Variants in CDH13 observed in about 807,000 individuals in gnomAD.
CDH13 encodes the protein cadherin-13.
CDH13 carries 24 observed loss-of-function variants against 63.8 expected under a neutral mutation model. The observed-to-expected ratio is 0.38, with a 90% CI of 0.27 to 0.53. The LOEUF (loss-of-function observed/expected upper bound fraction) is 0.53. Among genes scored for constraint, CDH13 ranks in the 20% least tolerant of loss-of-function variants. The probability of loss-of-function intolerance (pLI) is 0.85; values close to 1 mark genes in which losing one functional copy is unlikely to be tolerated. For missense variants in CDH13, 1,049 were observed against 903.1 expected, an observed-to-expected ratio of 1.16 and a Z score of -2.07; for synonymous variants, 503 against 355.3, an observed-to-expected ratio of 1.42 and a Z score of -4.67.
intron 1 of CDH13, among the ~76,000 whole-genome samples, chr16:82,714,680 C>G (rs936776868): frequency 3.8e-5 from 5 of 131,658 alleles, no homozygotes; most frequent in Admixed American, 2.6e-4. Flanking sequence ...ATCCACTGCA[C>G]TCCAGCCTAG....
chr16:83,645,491 A>T (rs1045408298), intron 8 of CDH13, among the ~76,000 whole-genome samples: 1 of 152,136 alleles, frequency 6.6e-6, no homozygotes, highest in Non-Finnish European at 1.5e-5. Context: ...TAGAAGCCCA[A>T]TCTTCACCAA....
In CDH13 at chr16:82,639,442, C is replaced by A. The variant is rs4782724; in HGVS notation, c.45+12305C>A. On this transcript the variant is annotated intron_variant, in intron 1 of 13. Coordinates refer to ENST00000567109, the MANE Select transcript of CDH13 (RefSeq NM_001257.5). ...TGGCCCACAGATGCCTGGGCGTGAC[C>A]CACCTGCAGCTTCAACCATGCAGGT... 3 of 1,535,214 alleles carry A rather than the reference C, an allele frequency of 2.0e-6. No homozygotes were observed. In the African/African-American group the frequency reaches 4.1e-5, roughly 21 times the overall value.
intron 1 of CDH13, among the ~76,000 whole-genome samples, chr16:82,653,337 A>G (rs982009327): frequency 6.6e-6 from 1 of 152,214 alleles, no homozygotes; most frequent in African/African-American, 2.4e-5. Flanking sequence ...ATTTTACACA[A>G]AAAAATAAAT....
chr16:82,627,891 C>CT (rs1907536460), intron 1 of CDH13, among the ~76,000 whole-genome samples: 1 of 152,246 alleles, frequency 6.6e-6, no homozygotes. Context: ...GCCGCCTCTG[C>CT]TGCCTTCCCT....
At chr16:83,499,771 CAT>C (rs1177690270) in intron 7 of CDH13, among the ~76,000 whole-genome samples, 2 of 151,216 alleles carry the variant, frequency 1.3e-5, no homozygotes, top group African/African-American at 4.9e-5. Flanking sequence ...GCAGTGGCCA[CAT>C]GTTATTTTTG....
At chr16:82,682,661 G>C (rs528384004) in intron 1 of CDH13, among the ~76,000 whole-genome samples, 1 of 152,182 alleles carries the variant, frequency 6.6e-6, no homozygotes, top group Non-Finnish European at 1.5e-5. Context: ...ATTCAAATAG[G>C]AAGTCTCCAA....
chr16:83,626,205 G>A (rs569756536), intron 8 of CDH13, among the ~76,000 whole-genome samples: 7 of 152,100 alleles, frequency 4.6e-5, no homozygotes, highest in South Asian at 4.2e-4. Flanking sequence ...TGATTTTGCC[G>A]TACCGCGTGT....
chr16:83,171,594 T>A lies in CDH13; in HGVS notation c.484-45751T>A. On this transcript the variant is annotated intron_variant, in intron 4 of 13. Coordinates refer to ENST00000567109, the MANE Select transcript of CDH13 (RefSeq NM_001257.5). Reference sequence around the variant, plus strand: ...TAAGTGCACAGGAAATTTTGAAATATCTGTGTCTCTATCTTCATTTCCTTG... The same window carrying A: ...TAAGTGCACAGGAAATTTTGAAATAACTGTGTCTCTATCTTCATTTCCTTG... 5.3e-6 allele frequency: 8 copies of A among 1,516,556 alleles called. No individual in the cohort carries two copies. The South Asian group carries it at 7.2e-5, about 14-fold the overall frequency. 93.9% of individuals were successfully genotyped at this position (1,516,556 alleles called of 1,614,324 possible).
intron 1 of CDH13, among the ~76,000 whole-genome samples, chr16:82,789,617 A>C (rs1244651002): frequency 6.6e-6 from 1 of 152,256 alleles, no homozygotes; most frequent in African/African-American, 2.4e-5. Context: ...ATTGGGCAGG[A>C]CACACCTGTT....
intron 10 of CDH13, among the ~76,000 whole-genome samples, chr16:83,731,424 A>C (rs552789170): frequency 6.6e-6 from 1 of 152,258 alleles, no homozygotes; most frequent in East Asian, 1.9e-4. Flanking sequence ...AGTGACGTGG[A>C]GCATTTCTTC....
chr16:83,337,590 G>A (rs1460936072), intron 5 of CDH13, among the ~76,000 whole-genome samples: 5 of 107,008 alleles, frequency 4.7e-5, no homozygotes, highest in Non-Finnish European at 9.4e-5. Context: ...ATTATTCACT[G>A]TTGTCATTTG....
intron 4 of CDH13, among the ~76,000 whole-genome samples, chr16:83,130,095 A>G (rs1293837780): frequency 6.6e-6 from 1 of 152,256 alleles, no homozygotes. Context: ...CTGGGAATTT[A>G]ATGGAGGAGA....
chr16:82,768,193 C>T (rs1359086411), intron 1 of CDH13, among the ~76,000 whole-genome samples: 3 of 152,174 alleles, frequency 2.0e-5, no homozygotes, highest in Non-Finnish European at 2.9e-5. Context: ...ATTTTCTCAA[C>T]TAAATTGCAA....
chr16:83,558,004 T>G (rs1450556273), intron 7 of CDH13, among the ~76,000 whole-genome samples: 6 of 152,082 alleles, frequency 3.9e-5, no homozygotes, highest in Admixed American at 3.9e-4. Flanking sequence ...CTGGGGGGCA[T>G]TGAGCACTGG....
At position 83,748,863 on chromosome 16, in the gene CDH13, G is replaced by A. The variant is rs998534756; in HGVS notation, c.1681+613G>A. Reference sequence around the variant, plus strand: ...GCAGAAAGGAGGCAAAGTTCAAAGTGCCACGATTGTTCTCTGCTCCTTTGA... The same window carrying A: ...GCAGAAAGGAGGCAAAGTTCAAAGTACCACGATTGTTCTCTGCTCCTTTGA... On this transcript the variant is annotated intron_variant, in intron 11 of 13. Transcript: ENST00000567109. Among the ~76,000 whole-genome samples, 4 of 152,208 alleles carry A rather than the reference G, an allele frequency of 2.6e-5. No individual in the cohort carries two copies. In the South Asian group the frequency reaches 8.3e-4, roughly 32 times the overall value.
At chr16:82,706,150 G>A (rs902564796) in intron 1 of CDH13, among the ~76,000 whole-genome samples, 5 of 147,706 alleles carry the variant, frequency 3.4e-5, no homozygotes, top group South Asian at 4.3e-4. Flanking sequence ...CTTTCTTTCC[G>A]CCTCCCTTCT....
chr16:83,612,200 T>C (rs769261043), intron 8 of CDH13, among the ~76,000 whole-genome samples: 6 of 152,058 alleles, frequency 3.9e-5, no homozygotes, highest in Non-Finnish European at 7.4e-5. Flanking sequence ...ATTAGATGTA[T>C]ACAAATTTAA....
chr16:83,467,225 A>C (rs1196034554), intron 6 of CDH13, among the ~76,000 whole-genome samples: 1 of 152,216 alleles, frequency 6.6e-6, no homozygotes, highest in Admixed American at 6.5e-5. Context: ...GAAAACAAAT[A>C]CACCGTGCAC....
intron 2 of CDH13, among the ~76,000 whole-genome samples, chr16:82,969,047 C>T (rs147706213): frequency 1.5e-3 from 224 of 152,244 alleles, no homozygotes; most frequent in African/African-American, 5.0e-3. Context: ...GCAGAAGTTG[C>T]AGTAAGCCAA....
Sources: allele counts gnomAD v4.1 joint callset (sites outside exome capture counted in the v4.1 genomes callset), GRCh38; gene constraint gnomAD v4.1.1; transcripts MANE v1.5; gene names NCBI Gene and HGNC (gene_info 2026-07-23, HGNC 2026-07-21).